The following NHS variants were observed in gnomAD, a reference collection of about 807,000 sequenced individuals.
NHS encodes the protein NHS actin remodeling regulator.
In NHS, 5 loss-of-function variants were observed where a neutral mutation model predicts 72.5. The ratio of observed to expected loss-of-function variants is 0.07; its 90% CI spans 0.04 to 0.14. The LOEUF is 0.14. NHS is among the 10% of genes least tolerant of loss of function. The probability of loss-of-function intolerance (pLI) is 1.00; values close to 1 mark genes in which losing one functional copy is unlikely to be tolerated. For missense variants in NHS, 1,072 were observed against 1,355.7 expected, an observed-to-expected ratio of 0.79 and a Z score of 3.29; for synonymous variants, 464 against 547.7, an observed-to-expected ratio of 0.85 and a Z score of 2.13.
intron 3 of NHS, chrX:17,705,576 C>G (rs1297201597): frequency 8.8e-6 from 1 of 113,199 alleles, no homozygotes; most frequent in Non-Finnish European, 1.9e-5. Flanking sequence ...GTGAAGTTTG[C>G]TGCTTCAGCT....
At chrX:17,425,568 A>AAAAAAAAAAAAAAAAAAAG (rs2064651928) in intron 1 of NHS, among the ~76,000 whole-genome samples, 6 of 77,078 alleles carry the variant, frequency 7.8e-5, no homozygotes, top group African/African-American at 2.5e-4. Flanking sequence ...AAAAAAAAAA[A>AAAAAAAAAAAAAAAAAAAG]AAAGAAAGAA....
At chrX:17,465,871 C>T (rs1409484677) in intron 1 of NHS, among the ~76,000 whole-genome samples, 1 of 112,634 alleles carries the variant, frequency 8.9e-6, no homozygotes, top group Admixed American at 9.4e-5. Flanking sequence ...TGTGTGCTCA[C>T]CCAGCGACAC....
At chrX:17,572,491 CTTTT>C (rs760577193) in intron 1 of NHS, among the ~76,000 whole-genome samples, 18 of 46,766 alleles carry the variant, frequency 3.8e-4, no homozygotes, top group Admixed American at 3.4e-3. Context: ...GCAACCCCTG[CTTTT>C]TTTTTTTTTT....
At position 17,727,586 on chromosome X, in the gene NHS, A is replaced by C. The variant is rs1283572394; in HGVS notation, c.3480A>C (p.Thr1160=). ...TTAAGCAAAAAGAAGAAAACAATAC[A>C]GATCTCCCTTATTTAGAGGAAAGCA... ...EEVKQKEENN[T]DLPYLEESTL... The change falls in exon 7 of 9, where the codon ACA becomes ACC. Residue 1160 remains threonine (T), a synonymous_variant. Transcript: ENST00000676302. The C allele has an allele frequency of 8.3e-7, 1 of 1,209,847 alleles. No individual in the cohort carries two copies. The highest frequency in any genetic ancestry group is 1.1e-6 in the Non-Finnish European group (1 of 895,042).
intron 1 of NHS, among the ~76,000 whole-genome samples, chrX:17,603,239 T>G (rs893303976): frequency 8.0e-5 from 9 of 112,221 alleles, no homozygotes. Context: ...GCTGTTAACA[T>G]GAGAAATTTG....
chrX:17,554,859 T>A (rs1345773914), intron 1 of NHS, among the ~76,000 whole-genome samples: 3 of 111,891 alleles, frequency 2.7e-5, no homozygotes, highest in Non-Finnish European at 3.8e-5. Context: ...TTTTCTTTTT[T>A]AAAATTATAC....
chrX:17,611,226 T>C (rs764778570), intron 1 of NHS, among the ~76,000 whole-genome samples: 10 of 112,520 alleles, frequency 8.9e-5, no homozygotes, highest in Admixed American at 7.5e-4. Flanking sequence ...ATTGTCAGAT[T>C]TAAGAACTAA....
intron 1 of NHS, among the ~76,000 whole-genome samples, chrX:17,473,151 T>G (rs1159443793): frequency 1.8e-5 from 2 of 111,726 alleles, no homozygotes; most frequent in Admixed American, 1.9e-4. Flanking sequence ...CCCAACTTAG[T>G]AAGTGGTGGG....
intron 1 of NHS, among the ~76,000 whole-genome samples, chrX:17,521,131 C>A (rs2065146414): frequency 8.9e-6 from 1 of 111,817 alleles, no homozygotes; most frequent in African/African-American, 3.3e-5. Context: ...CTAAGGAGCA[C>A]AAAGCTAGGG....
At chrX:17,704,148 C>T (rs930336328) in intron 3 of NHS, among the ~76,000 whole-genome samples, 6 of 111,224 alleles carry the variant, frequency 5.4e-5, no homozygotes, top group East Asian at 2.9e-4. Context: ...TGCAGTGGCA[C>T]GTGCCTGCAG....
chrX:17,693,303 C>G (rs2066208229), intron 3 of NHS, among the ~76,000 whole-genome samples: 1 of 111,944 alleles, frequency 8.9e-6, no homozygotes, highest in Non-Finnish European at 1.9e-5. Context: ...GTGGGGACAA[C>G]TGAGCACTTT....
intron 1 of NHS, among the ~76,000 whole-genome samples, chrX:17,592,072 G>T (rs1227846542): frequency 9.0e-6 from 1 of 111,571 alleles, no homozygotes; most frequent in Non-Finnish European, 1.9e-5. Context: ...GTATAATAGT[G>T]TGCAGTCACT....
intron 1 of NHS, among the ~76,000 whole-genome samples, chrX:17,484,072 T>G (rs1386225768): frequency 1.8e-5 from 2 of 112,514 alleles, no homozygotes; most frequent in African/African-American, 6.5e-5. Context: ...TGTGTACATC[T>G]CTTCTCACAT....
intron 1 of NHS, among the ~76,000 whole-genome samples, chrX:17,656,538 C>T (rs1408044343): frequency 8.9e-6 from 1 of 112,924 alleles, no homozygotes; most frequent in Non-Finnish European, 1.9e-5. Context: ...AGAGCTGGGT[C>T]CCCTTGGCAG....
At chrX:17,458,322 G>C (rs1198654268) in intron 1 of NHS, among the ~76,000 whole-genome samples, 1 of 111,617 alleles carries the variant, frequency 9.0e-6, no homozygotes, top group African/African-American at 3.3e-5. Flanking sequence ...CCGCCCCCTG[G>C]GGTTCAAGTG....
chrX:17,558,112 G>C (rs1040365060), intron 1 of NHS, among the ~76,000 whole-genome samples: 1 of 112,044 alleles, frequency 8.9e-6, no homozygotes, highest in African/African-American at 3.2e-5. Flanking sequence ...ATCATTGGGG[G>C]AGCCCTTAGA....
At chrX:17,607,271 A>G (rs1227840559) in intron 1 of NHS, among the ~76,000 whole-genome samples, 2 of 111,827 alleles carry the variant, frequency 1.8e-5, no homozygotes, top group East Asian at 5.6e-4. Context: ...AAGAAAGCAG[A>G]GATAACCTAC....
intron 1 of NHS, among the ~76,000 whole-genome samples, chrX:17,520,298 G>A (rs756665628): frequency 8.9e-6 from 1 of 112,059 alleles, no homozygotes; most frequent in Admixed American, 9.5e-5. Flanking sequence ...TCTTTCTCCT[G>A]CAAACATGGA....
intron 1 of NHS, among the ~76,000 whole-genome samples, chrX:17,544,761 C>T (rs1331228297): frequency 8.9e-6 from 1 of 112,411 alleles, no homozygotes; most frequent in Admixed American, 9.4e-5. Context: ...GATCCACCTG[C>T]CTCAGCCTCC....
Sources: gnomAD v4.1 joint callset for allele counts (sites outside exome capture counted in the v4.1 genomes callset) on GRCh38, gnomAD v4.1.1 for gene constraint, MANE v1.5 for transcripts, NCBI Gene and HGNC (gene_info 2026-07-23, HGNC 2026-07-21) for gene names.